Variants in SMYD3 observed in about 807,000 individuals in gnomAD.
SMYD3 encodes the protein SET and MYND domain containing 3.
In SMYD3, 36 loss-of-function variants were observed where a neutral mutation model predicts 57.7. The observed-to-expected ratio is 0.62, with a 90% CI of 0.48 to 0.82. SMYD3 has a LOEUF of 0.82. Ranked by LOEUF, SMYD3 falls within the 40% of genes least tolerant of loss-of-function variation. The probability of loss-of-function intolerance (pLI) is 0.00; values close to 1 mark genes in which losing one functional copy is unlikely to be tolerated. For synonymous variants in SMYD3, 211 were observed against 195.0 expected (o/e 1.08, Z -0.68); for missense variants, 515 against 538.8 (o/e 0.96, Z 0.44).
intron 5 of SMYD3, among the ~76,000 whole-genome samples, chr1:246,015,311 T>C (rs2059358994): frequency 6.6e-6 from 1 of 152,166 alleles, no homozygotes; most frequent in African/African-American, 2.4e-5. Context: ...GCCACAGTCC[T>C]ATAAGCTAAA....
intron 5 of SMYD3, among the ~76,000 whole-genome samples, chr1:246,045,157 A>G (rs1392574284): frequency 2.6e-4 from 40 of 152,348 alleles, no homozygotes; most frequent in Admixed American, 2.5e-3. Context: ...GAACCAAAAA[A>G]GAGCCCGCAT....
At chr1:245,902,035 A>G (rs1356835905) in intron 8 of SMYD3, among the ~76,000 whole-genome samples, 2 of 152,156 alleles carry the variant, frequency 1.3e-5, no homozygotes. Flanking sequence ...CACCATTTTA[A>G]GAGCCCAGCA....
intron 5 of SMYD3, among the ~76,000 whole-genome samples, chr1:246,198,919 A>G (rs998973467): frequency 3.3e-5 from 5 of 152,220 alleles, no homozygotes; most frequent in Admixed American, 3.3e-4. Flanking sequence ...TAAACAGATT[A>G]TAAGTAACTA....
chr1:245,966,882 C>T (rs2058165686), intron 5 of SMYD3, among the ~76,000 whole-genome samples: 1 of 152,108 alleles, frequency 6.6e-6, no homozygotes, highest in Admixed American at 6.5e-5. Context: ...ATGAACCTAT[C>T]CCCCCTCAGG....
intron 10 of SMYD3, among the ~76,000 whole-genome samples, chr1:245,844,655 G>A (rs1023541935): frequency 2.0e-5 from 3 of 149,188 alleles, no homozygotes; most frequent in South Asian, 2.1e-4. Flanking sequence ...CTAACGGCCT[G>A]CAGTCTTAGG....
chr1:245,930,255 T>A, intron 5 of SMYD3: 1 of 408,604 alleles, frequency 2.4e-6, no homozygotes, highest in Admixed American at 3.6e-5. Context: ...CATGAACTGT[T>A]CAAAATCCAG....
At chr1:246,223,929 C>A (rs959031263) in intron 5 of SMYD3, among the ~76,000 whole-genome samples, 2 of 152,154 alleles carry the variant, frequency 1.3e-5, no homozygotes, top group Non-Finnish European at 2.9e-5. Context: ...TTTTCAAAAT[C>A]AGCTTCGTTT....
intron 10 of SMYD3, among the ~76,000 whole-genome samples, chr1:245,783,107 G>A (rs2046898173): frequency 6.6e-6 from 1 of 152,170 alleles, no homozygotes; most frequent in African/African-American, 2.4e-5. Flanking sequence ...GGAAAATGCA[G>A]GGTAGAGAGT....
chr1:245,750,151 A>C (rs768920999), intron 11 of SMYD3, among the ~76,000 whole-genome samples: 7 of 152,144 alleles, frequency 4.6e-5, no homozygotes, highest in Non-Finnish European at 7.3e-5. Flanking sequence ...TTCACTGCTC[A>C]TATTTGGTCC....
intron 5 of SMYD3, among the ~76,000 whole-genome samples, chr1:246,171,227 G>T (rs2062326290): frequency 6.6e-6 from 1 of 152,080 alleles, no homozygotes; most frequent in Non-Finnish European, 1.5e-5. Flanking sequence ...TGAAAAAAAG[G>T]TATATTTCTT....
intron 5 of SMYD3, among the ~76,000 whole-genome samples, chr1:246,313,615 G>C (rs181921797): frequency 1.1e-4 from 17 of 152,252 alleles, no homozygotes; most frequent in Admixed American, 9.1e-4. Context: ...TAGCGCCCAT[G>C]ACTGCCAAGT....
chr1:246,033,827 T>C (rs532896041), intron 5 of SMYD3, among the ~76,000 whole-genome samples: 2 of 152,186 alleles, frequency 1.3e-5, no homozygotes, highest in South Asian at 4.1e-4. Flanking sequence ...ATTAAAAATT[T>C]TTTTAAATGT....
At chr1:245,827,469 A>G (rs1388924634) in intron 10 of SMYD3, among the ~76,000 whole-genome samples, 2 of 151,916 alleles carry the variant, frequency 1.3e-5, no homozygotes, top group South Asian at 2.1e-4. Context: ...CTCTCCCCCA[A>G]TCCACATCCC....
chr1:245,924,061 G>A lies in SMYD3; in HGVS notation c.702+3870C>T, dbSNP rs1474636018. On this transcript the variant is annotated intron_variant, in intron 7 of 11. Transcript: ENST00000490107. ...TCACATTTCTCCCAGTTGATATGGC[G>A]CCAGAGAATGCTGGCAGCCAATGGC... is the stretch of plus-strand genomic sequence containing the variant. Among the ~76,000 whole-genome samples the A allele has an allele frequency of 4.6e-5, 7 of 152,122 alleles. No homozygotes were observed. In the East Asian group the frequency reaches 7.7e-4, roughly 17 times the overall value.
intron 5 of SMYD3, among the ~76,000 whole-genome samples, chr1:246,217,600 A>T (rs1024613331): frequency 6.6e-6 from 1 of 152,212 alleles, no homozygotes; most frequent in Non-Finnish European, 1.5e-5. Context: ...TTGCTGAATC[A>T]ACTCACAAAG....
At chr1:245,794,213 C>T (rs186573493) in intron 10 of SMYD3, among the ~76,000 whole-genome samples, 11 of 152,340 alleles carry the variant, frequency 7.2e-5, no homozygotes, top group Admixed American at 2.0e-4. Context: ...CACTGTTCTA[C>T]GCATTCTACA....
At chr1:246,100,234 T>C (rs1407207254) in intron 5 of SMYD3, among the ~76,000 whole-genome samples, 1 of 152,210 alleles carries the variant, frequency 6.6e-6, no homozygotes, top group Non-Finnish European at 1.5e-5. Context: ...AAGTTTATTT[T>C]AGATTAGTAT....
At chr1:246,154,005 T>C (rs1334745755) in intron 5 of SMYD3, among the ~76,000 whole-genome samples, 1 of 152,230 alleles carries the variant, frequency 6.6e-6, no homozygotes, top group Non-Finnish European at 1.5e-5. Context: ...TGCAGAAGAC[T>C]TTAATCCTTT....
At chr1:245,825,444 G>A (rs745348392) in intron 10 of SMYD3, among the ~76,000 whole-genome samples, 10 of 152,160 alleles carry the variant, frequency 6.6e-5, no homozygotes, top group Admixed American at 2.0e-4. Context: ...AGATTGACAG[G>A]CGGCCCCTCT....
Sources: gnomAD v4.1 joint callset for allele counts (sites outside exome capture counted in the v4.1 genomes callset) on GRCh38, gnomAD v4.1.1 for gene constraint, MANE v1.5 for transcripts, NCBI Gene and HGNC (gene_info 2026-07-23, HGNC 2026-07-21) for gene names.